RBFOX1: variants seen among roughly 807,000 people sequenced by gnomAD.
RBFOX1 encodes the protein RNA binding fox-1 homolog 1.
A neutral mutation model predicts 57.7 loss-of-function variants in RBFOX1; 8 were observed. The observed-to-expected ratio is 0.14, with a 90% CI of 0.08 to 0.25. The LOEUF is 0.25. Ranked by LOEUF, RBFOX1 falls within the 10% of genes least tolerant of loss-of-function variation. The probability of loss-of-function intolerance (pLI) is 1.00; values close to 1 mark genes in which losing one functional copy is unlikely to be tolerated. For missense variants in RBFOX1, 611 were observed against 548.5 expected (o/e 1.11, Z -1.14); for synonymous variants, 326 against 222.4 (o/e 1.47, Z -4.15).
At chr16:5,503,411 T>C (rs969815215) in intron 2 of RBFOX1, among the ~76,000 whole-genome samples, 2 of 152,218 alleles carry the variant, frequency 1.3e-5, no homozygotes, top group African/African-American at 4.8e-5. Context: ...CAATTTCAAG[T>C]GTACAAGACA....
At chr16:6,489,511 G>C (rs4786873) in intron 2 of RBFOX1, among the ~76,000 whole-genome samples, 1 of 152,072 alleles carries the variant, frequency 6.6e-6, no homozygotes, top group East Asian at 1.9e-4. Flanking sequence ...CTTCTAAGTG[G>C]CAGAGCTGGG....
intron 4 of RBFOX1, among the ~76,000 whole-genome samples, chr16:7,203,649 C>G (rs1234882529): frequency 7.2e-5 from 11 of 152,216 alleles, no homozygotes; most frequent in Non-Finnish European, 1.0e-4. Context: ...CTTCTCACAG[C>G]TCAGATAGGG....
At chr16:7,205,813 C>G (rs551240434) in intron 4 of RBFOX1, among the ~76,000 whole-genome samples, 320 of 152,330 alleles carry the variant, frequency 2.1e-3, no homozygotes, top group African/African-American at 7.1e-3. Context: ...GAATTGAAAC[C>G]TTACCACTGA....
intron 1 of RBFOX1, among the ~76,000 whole-genome samples, chr16:5,363,031 CTTTTTT>C (rs35426149): frequency 2.1e-5 from 2 of 95,414 alleles, no homozygotes; most frequent in African/African-American, 4.0e-5. Context: ...GATTTTAATT[CTTTTTT>C]TTTTTTTTTT....
At chr16:5,420,206 A>G (rs2067275101) in intron 1 of RBFOX1, among the ~76,000 whole-genome samples, 1 of 152,226 alleles carries the variant, frequency 6.6e-6, no homozygotes, top group African/African-American at 2.4e-5. Flanking sequence ...GGGTCAATGA[A>G]GTAGATTTAA....
At chr16:5,431,672 C>T (rs982525885) in intron 1 of RBFOX1, among the ~76,000 whole-genome samples, 4 of 152,112 alleles carry the variant, frequency 2.6e-5, no homozygotes, top group South Asian at 2.1e-4. Flanking sequence ...CGTGCCCAGC[C>T]GCTGGTTTAT....
At chr16:6,861,946 C>G (rs1422408242) in intron 3 of RBFOX1, among the ~76,000 whole-genome samples, 1 of 145,800 alleles carries the variant, frequency 6.9e-6, no homozygotes, top group Non-Finnish European at 1.5e-5. Flanking sequence ...GCAAACAGAA[C>G]TGGTTTGGAA....
chr16:5,467,413 C>G (rs1289731523), intron 2 of RBFOX1, among the ~76,000 whole-genome samples: 2 of 152,140 alleles, frequency 1.3e-5, no homozygotes, highest in African/African-American at 2.4e-5. Flanking sequence ...AAGGTCACTA[C>G]TAATTGATCA....
At chr16:6,875,812 C>A (rs2345817) in intron 3 of RBFOX1, among the ~76,000 whole-genome samples, 1 of 151,716 alleles carries the variant, frequency 6.6e-6, no homozygotes, top group Admixed American at 6.6e-5. Context: ...CAAGACCAGT[C>A]TGGGGAACAT....
chr16:7,360,645 A>G (rs752030344), intron 4 of RBFOX1, among the ~76,000 whole-genome samples: 14 of 152,174 alleles, frequency 9.2e-5, no homozygotes, highest in Non-Finnish European at 1.5e-4. Context: ...CTATGATACA[A>G]AGTTCCTCTC....
At chr16:5,828,336 T>G (rs1025477127) in intron 3 of RBFOX1, among the ~76,000 whole-genome samples, 1 of 152,162 alleles carries the variant, frequency 6.6e-6, no homozygotes, top group African/African-American at 2.4e-5. Flanking sequence ...AAACATGGTA[T>G]TAAAGGATAA....
intron 2 of RBFOX1, among the ~76,000 whole-genome samples, chr16:6,527,108 T>G (rs1156781824): frequency 1.3e-5 from 2 of 152,140 alleles, no homozygotes; most frequent in African/African-American, 4.8e-5. Flanking sequence ...TCTTTTTAAA[T>G]TATTTTATTT....
At chr16:7,026,626 C>T (rs894538136) in intron 3 of RBFOX1, among the ~76,000 whole-genome samples, 2 of 152,106 alleles carry the variant, frequency 1.3e-5, no homozygotes, top group South Asian at 2.1e-4. Flanking sequence ...GAGGAAAGGC[C>T]TTGGGTCCCC....
chr16:6,834,240 G>T (rs1182067175), intron 3 of RBFOX1, among the ~76,000 whole-genome samples: 2 of 151,738 alleles, frequency 1.3e-5, no homozygotes, highest in African/African-American at 4.8e-5. Flanking sequence ...CGCCCCATTA[G>T]TTTTTATATT....
intron 1 of RBFOX1, among the ~76,000 whole-genome samples, chr16:5,463,551 G>A (rs28715310): frequency 1.3e-5 from 2 of 152,074 alleles, no homozygotes; most frequent in South Asian, 2.1e-4. Flanking sequence ...TGTAATTCCA[G>A]CATTTTGGGA....
At chr16:6,237,916 C>A (rs1014040700) in intron 1 of RBFOX1, among the ~76,000 whole-genome samples, 4 of 151,576 alleles carry the variant, frequency 2.6e-5, no homozygotes, top group African/African-American at 4.8e-5. Context: ...ACATGTGAAA[C>A]CCTGCCTCTA....
chr16:7,051,230 A>G (rs1422057789), intron 3 of RBFOX1, among the ~76,000 whole-genome samples: 2 of 152,214 alleles, frequency 1.3e-5, no homozygotes, highest in South Asian at 2.1e-4. Flanking sequence ...TCCTGATGAC[A>G]GAATGACCAT....
At chr16:7,055,623 GA>G (rs1211056276) in intron 4 of RBFOX1, among the ~76,000 whole-genome samples, 1 of 152,154 alleles carries the variant, frequency 6.6e-6, no homozygotes, top group East Asian at 1.9e-4. Flanking sequence ...CGTTTTCTTA[GA>G]TGTCATTGGC....
chr16:7,565,731 T>G (rs1409793010), intron 5 of RBFOX1, among the ~76,000 whole-genome samples: 1 of 152,164 alleles, frequency 6.6e-6, no homozygotes, highest in East Asian at 1.9e-4. Context: ...AGAAATAACT[T>G]GATTGGTGGA....
Sources: allele counts gnomAD v4.1 joint callset (sites outside exome capture counted in the v4.1 genomes callset), GRCh38; gene constraint gnomAD v4.1.1; transcripts MANE v1.5; gene names NCBI Gene and HGNC (gene_info 2026-07-23, HGNC 2026-07-21).